The following UBE2R2 variants were observed in gnomAD, a reference collection of about 807,000 sequenced individuals.
The protein encoded by UBE2R2 is ubiquitin conjugating enzyme E2 R2.
In UBE2R2, 1 loss-of-function variant was observed where a neutral mutation model predicts 27.8. The observed-to-expected ratio is 0.04, with a 90% CI of 0.01 to 0.17. The LOEUF (loss-of-function observed/expected upper bound fraction) is 0.17, where lower values mean the gene tolerates loss of function less well. Among genes scored for constraint, UBE2R2 ranks in the 10% least tolerant of loss-of-function variants. UBE2R2 has a pLI of 1.00. For synonymous variants in UBE2R2, 106 were observed against 113.3 expected, an observed-to-expected ratio of 0.94 and a Z score of 0.41; for missense variants, 100 against 291.0, an observed-to-expected ratio of 0.34 and a Z score of 4.78.
At chr9:33,817,077 C>A (rs1339272568), upstream of UBE2R2, among the ~76,000 whole-genome samples, 1 of 151,816 alleles carries the variant, frequency 6.6e-6, no homozygotes, top group Non-Finnish European at 1.5e-5. Flanking sequence ...CACGCGCACG[C>A]GCGTCGGGCC....
intron 1 of UBE2R2, among the ~76,000 whole-genome samples, chr9:33,871,174 T>C (rs1163987257): frequency 6.6e-6 from 1 of 152,240 alleles, no homozygotes; most frequent in East Asian, 1.9e-4. Context: ...TTTGAGGCAC[T>C]TAATTTGTAA....
intron 1 of UBE2R2, among the ~76,000 whole-genome samples, chr9:33,820,048 T>C (rs1208145342): frequency 6.6e-6 from 1 of 152,068 alleles, no homozygotes; most frequent in African/African-American, 2.4e-5. Flanking sequence ...ATATTTAAAA[T>C]AAATAAATGG....
At chr9:33,831,700 C>T (rs1820486375) in intron 1 of UBE2R2, among the ~76,000 whole-genome samples, 1 of 152,032 alleles carries the variant, frequency 6.6e-6, no homozygotes, top group South Asian at 2.1e-4. Context: ...CACTATGTCG[C>T]CCAGGCTGAA....
chr9:33,845,395 C>G lies in UBE2R2; in HGVS notation c.177+27461C>G, dbSNP rs1195403081. Among the ~76,000 whole-genome samples, 4 of 151,560 alleles carry G rather than the reference C, an allele frequency of 2.6e-5. No homozygotes were observed. In the East Asian group the frequency reaches 7.9e-4, roughly 30 times the overall value. Reference sequence around the variant, plus strand: ...CCGAGTAGCTGTGACTACAGGCGCCCGCCACCACACCCGGCTCATTTTTTC... The same window carrying G: ...CCGAGTAGCTGTGACTACAGGCGCCGGCCACCACACCCGGCTCATTTTTTC... On this transcript the variant is annotated intron_variant, in intron 1 of 4. Transcript: ENST00000263228.
At chr9:33,876,681 C>T (rs962473752) in intron 1 of UBE2R2, among the ~76,000 whole-genome samples, 6 of 151,888 alleles carry the variant, frequency 4.0e-5, no homozygotes, top group Admixed American at 1.3e-4. Context: ...TTTGAGAGGC[C>T]GAGGTGGGCG....
chr9:33,873,462 G>C (rs1194027926), intron 1 of UBE2R2, among the ~76,000 whole-genome samples: 3 of 152,106 alleles, frequency 2.0e-5, no homozygotes, highest in Non-Finnish European at 4.4e-5. Context: ...AAAGGTTACT[G>C]CAGAAAGAAC....
chr9:33,844,515 A>ATTTTTTTTTTTTTTTTTTTTTTTTC (rs34578523), intron 1 of UBE2R2, among the ~76,000 whole-genome samples: 1 of 110,170 alleles, frequency 9.1e-6, no homozygotes, highest in Non-Finnish European at 1.8e-5. Flanking sequence ...TCCCACATCT[A>ATTTTTTTTTTTTTTTTTTTTTTTTC]TTTTTTTTTT....
At chr9:33,903,092 G>A (rs1013787554) in intron 3 of UBE2R2, among the ~76,000 whole-genome samples, 3 of 149,398 alleles carry the variant, frequency 2.0e-5, no homozygotes, top group East Asian at 2.0e-4. Flanking sequence ...AGAGTGAAAC[G>A]CTGTCTCAAA....
chr9:33,820,415 T>C (rs778213404), intron 1 of UBE2R2, among the ~76,000 whole-genome samples: 1 of 152,244 alleles, frequency 6.6e-6, no homozygotes, highest in Admixed American at 6.5e-5. Context: ...GTGAGAAGTT[T>C]GTTCGATTGT....
chr9:33,874,367 T>C (rs539523383), intron 1 of UBE2R2, among the ~76,000 whole-genome samples: 1 of 152,294 alleles, frequency 6.6e-6, no homozygotes, highest in East Asian at 1.9e-4. Context: ...TCTTCTTTTT[T>C]CAGTTTATAA....
chr9:33,877,912 C>T (rs750377487), intron 1 of UBE2R2, among the ~76,000 whole-genome samples: 22 of 151,302 alleles, frequency 1.5e-4, no homozygotes, highest in Non-Finnish European at 2.6e-4. Context: ...ACTGCCATCA[C>T]GCCCAGCTAA....
chr9:33,916,823 CAA>C (rs201231651), intron 4 of UBE2R2, among the ~76,000 whole-genome samples, 193 bp from the exon 5 acceptor site: 2,018 of 152,256 alleles, frequency 0.013, 26 homozygotes, highest in Non-Finnish European at 0.021. Flanking sequence ...CCTAAAAAGT[CAA>C]AGTTTACTTC....
At chr9:33,867,533 C>T (rs1007356056) in intron 1 of UBE2R2, among the ~76,000 whole-genome samples, 5 of 152,104 alleles carry the variant, frequency 3.3e-5, no homozygotes, top group Non-Finnish European at 4.4e-5. Context: ...TTCCTATAAG[C>T]GCTATATGAG....
chr9:33,884,661 T>C (rs1269931901), intron 1 of UBE2R2, among the ~76,000 whole-genome samples: 1 of 152,224 alleles, frequency 6.6e-6, no homozygotes, highest in East Asian at 1.9e-4. Flanking sequence ...TTAAGTTCTT[T>C]AGCCATGATT....
intron 1 of UBE2R2, among the ~76,000 whole-genome samples, chr9:33,870,584 G>A (rs749074391): frequency 2.0e-5 from 3 of 152,166 alleles, no homozygotes; most frequent in Non-Finnish European, 4.4e-5. Flanking sequence ...AGCATTAGGA[G>A]ACAGTGAAAT....
intron 1 of UBE2R2, among the ~76,000 whole-genome samples, chr9:33,884,171 A>G (rs1274769861): frequency 1.5e-5 from 2 of 135,650 alleles, no homozygotes; most frequent in Non-Finnish European, 1.6e-5. Context: ...CAAAGAATCA[A>G]CAGTTTTTGT....
intron 1 of UBE2R2, among the ~76,000 whole-genome samples, chr9:33,832,752 GA>G (rs1190565536): frequency 6.6e-6 from 1 of 151,558 alleles, no homozygotes; most frequent in Non-Finnish European, 1.5e-5. Context: ...AATGCTCTCA[GA>G]ATCAAAACTT....
At chr9:33,815,333 A>C (rs1219348971), upstream of UBE2R2, among the ~76,000 whole-genome samples, 1 of 152,252 alleles carries the variant, frequency 6.6e-6, no homozygotes, top group East Asian at 1.9e-4. Flanking sequence ...GTGATGTATC[A>C]ATATTAGCTC....
chr9:33,866,799 A>C (rs548206471), intron 1 of UBE2R2, among the ~76,000 whole-genome samples: 68 of 152,224 alleles, frequency 4.5e-4, no homozygotes, highest in African/African-American at 1.6e-3. Context: ...ATAGAGTCAT[A>C]CTCTTTATTC....
Sources: allele counts gnomAD v4.1 joint callset (sites outside exome capture counted in the v4.1 genomes callset), GRCh38; gene constraint gnomAD v4.1.1; transcripts MANE v1.5; gene names NCBI Gene and HGNC (gene_info 2026-07-23, HGNC 2026-07-21).